KLRG2: variants seen among roughly 807,000 people sequenced by gnomAD.
KLRG2 encodes killer cell lectin like receptor G2, also known as killer cell lectin-like receptor subfamily G member 2.
Under a neutral mutation model 35.4 loss-of-function variants are expected in KLRG2, and 39 were observed. The observed-to-expected ratio is 1.10, with a 90% CI of 0.85 to 1.44. The LOEUF is 1.44. Ranked by LOEUF, KLRG2 falls within the 40% of genes most tolerant of loss-of-function variation. The pLI is 0.00. For synonymous variants in KLRG2, 283 were observed against 265.8 expected (o/e 1.06, Z -0.63); for missense variants, 632 against 570.9 (o/e 1.11, Z -1.09).
At chr7:139,473,883 G>T (rs10260811) in intron 3 of KLRG2, among the ~76,000 whole-genome samples, 2,654 of 152,066 alleles carry the variant, frequency 0.017, 72 homozygotes, top group African/African-American at 0.061. Flanking sequence ...AAATGTAAAT[G>T]AAGAAGAAAA....
chr7:139,437,339 C>T, the KLRG2 span, among the ~76,000 whole-genome samples: 567 of 146,966 alleles, frequency 3.9e-3, 6 homozygotes, highest in African/African-American at 0.013. Flanking sequence ...ATGGGAGAAT[C>T]GCTTGAACCC....
rs753773965 is a variant in KLRG2, at chr7:139,480,165, C to A, written c.840G>T (p.Val280=). 1.9e-6 allele frequency: 3 copies of A among 1,613,666 alleles called. No homozygotes were observed. In the South Asian group the frequency reaches 3.3e-5, roughly 18 times the overall value. Residue 280 remains valine (V), a synonymous_variant, in exon 2 of 5, where the codon GTG becomes GTT. Coordinates refer to ENST00000340940, the MANE Select transcript of KLRG2 (RefSeq NM_198508.4). ...CCATACCTGCTCTTGAGGCCAGGAC[C>A]ACAATGACAACCCCAGAGACTGCCA... ...VLLAVSGVVI[V]VLASRAGARC... is the part of the protein sequence containing the mutation.
intron 3 of KLRG2, among the ~76,000 whole-genome samples, chr7:139,471,445 T>C (rs189429810): frequency 2.4e-4 from 36 of 152,252 alleles, no homozygotes; most frequent in African/African-American, 7.5e-4. Flanking sequence ...GCAGATCACC[T>C]GAGGTCAAGA....
downstream of KLRG2, among the ~76,000 whole-genome samples, chr7:139,449,627 C>T (rs981686281): frequency 1.3e-5 from 2 of 150,964 alleles, no homozygotes; most frequent in African/African-American, 4.9e-5. Flanking sequence ...TTTGTAATAA[C>T]ACTTAGCTTA....
At chr7:139,434,495 C>A in the KLRG2 span, among the ~76,000 whole-genome samples, 1 of 152,130 alleles carries the variant, frequency 6.6e-6, no homozygotes, top group Non-Finnish European at 1.5e-5. Flanking sequence ...CAAAGCCTGC[C>A]CTCCCTCCCT....
chr7:139,432,660 C>T, the KLRG2 span, among the ~76,000 whole-genome samples: 6 of 151,478 alleles, frequency 4.0e-5, no homozygotes, highest in East Asian at 1.9e-4. Flanking sequence ...GGTTCAAGCG[C>T]CACATCTGAG....
the KLRG2 span, among the ~76,000 whole-genome samples, chr7:139,432,367 GA>G: frequency 0.012 from 1,712 of 147,228 alleles, 35 homozygotes; most frequent in African/African-American, 0.041. Flanking sequence ...AAAAGAAAAA[GA>G]AAAAAAAAAG....
At position 139,480,172 on chromosome 7, in the gene KLRG2, A is replaced by T. The variant is rs747565953; in HGVS notation, c.833T>A (p.Val278Asp). The change falls in exon 2 of 5, where the codon GTC becomes GAC. Residue 278 changes from valine to aspartate, a missense_variant. Val to Asp is a radical substitution (Grantham distance 152). Transcript: ENST00000340940. ...MAVLLAVSGV[V>D]IVVLASRAGA... ...TGCTCTTGAGGCCAGGACCACAATG[A>T]CAACCCCAGAGACTGCCAGGAGCAC... 3 of 1,613,688 alleles carry T rather than the reference A, an allele frequency of 1.9e-6. No individual in the cohort carries two copies. The African/African-American group carries it at 4.0e-5, about 22-fold the overall frequency.
chr7:139,454,162 C>T lies in KLRG2; in HGVS notation c.1058G>A (p.Arg353Gln), dbSNP rs752055129. 92 of 1,544,616 alleles carry T rather than the reference C, an allele frequency of 6.0e-5. 3 individuals are homozygous for T. The highest frequency in any genetic ancestry group is 1.3e-4 in the South Asian group (11 of 83,516). ...VSRHSWVGAW[R>Q]GPQGWHWIDE... ...GATCCAGTGCCAGCCCTGGGGGCCT[C>T]GCCAGGCCCCCACCCAGGAGTGCCT... The change falls in exon 4 of 5, where the codon CGA becomes CAA. Residue 353 changes from arginine to glutamine, a missense_variant. Transcript: ENST00000340940.
At chr7:139,479,865 G>T in intron 2 of KLRG2, 93 bp from the exon 3 acceptor site, 1 of 1,404,204 alleles carries the variant, frequency 7.1e-7, no homozygotes, top group South Asian at 1.4e-5. Context: ...GCATGGAACT[G>T]GCAAACCTCA....
chr7:139,459,570 C>T (rs1796534629), intron 3 of KLRG2, among the ~76,000 whole-genome samples: 1 of 152,216 alleles, frequency 6.6e-6, no homozygotes, highest in South Asian at 2.1e-4. Flanking sequence ...AACGCCAACA[C>T]CTCAGGGCCC....
At chr7:139,466,593 G>A (rs952701102) in intron 3 of KLRG2, among the ~76,000 whole-genome samples, 1 of 151,844 alleles carries the variant, frequency 6.6e-6, no homozygotes, top group Non-Finnish European at 1.5e-5. Context: ...CTTATGCCAC[G>A]CTCTACCTCT....
the KLRG2 span, among the ~76,000 whole-genome samples, chr7:139,441,865 G>A: frequency 6.6e-6 from 1 of 152,212 alleles, no homozygotes; most frequent in African/African-American, 2.4e-5. Context: ...GCAGCACACA[G>A]CAGAAGACTT....
At chr7:139,471,177 A>G (rs554873635) in intron 3 of KLRG2, among the ~76,000 whole-genome samples, 71 of 152,184 alleles carry the variant, frequency 4.7e-4, no homozygotes, top group Non-Finnish European at 8.5e-4. Flanking sequence ...ACAAAGTTAC[A>G]TATCATAGAA....
intron 3 of KLRG2, among the ~76,000 whole-genome samples, chr7:139,475,930 G>A (rs1796842100): frequency 6.6e-6 from 1 of 151,256 alleles, no homozygotes; most frequent in Admixed American, 6.6e-5. Flanking sequence ...CACCCAGCTG[G>A]TGCCCACTGC....
chr7:139,434,707 A>G, the KLRG2 span, among the ~76,000 whole-genome samples: 70 of 152,320 alleles, frequency 4.6e-4, no homozygotes, highest in Admixed American at 1.8e-3. Flanking sequence ...AGGGGAAGTC[A>G]AAGAATCCGA....
At chr7:139,457,736 T>TC (rs992350648) in intron 3 of KLRG2, among the ~76,000 whole-genome samples, 1 of 151,860 alleles carries the variant, frequency 6.6e-6, no homozygotes, top group Non-Finnish European at 1.5e-5. Context: ...GCTGAAGGCC[T>TC]CCCCCGAGCC....
intron 4 of KLRG2, 62 bp from the exon 5 acceptor site, chr7:139,453,769 G>A: frequency 1.3e-6 from 2 of 1,599,552 alleles, no homozygotes; most frequent in Non-Finnish European, 1.7e-6. Context: ...TTGCTTCCCA[G>A]CCAGACCCTC....
At position 139,454,131 on chromosome 7, in the gene KLRG2, C is replaced by T; in HGVS notation, c.1089G>A (p.Glu363=). 1 of 1,544,050 alleles carries T rather than the reference C, an allele frequency of 6.5e-7. No individual in the cohort carries two copies. The highest frequency in any genetic ancestry group is 8.8e-7 in the Non-Finnish European group (1 of 1,141,114). The change falls in exon 4 of 5, where the codon GAG becomes GAA. Residue 363 remains glutamate (E), a synonymous_variant. Coordinates refer to ENST00000340940, the MANE Select transcript of KLRG2 (RefSeq NM_198508.4). ...CTCACAGCTGGGGCGGGAGTGGGGC[C>T]TCGTCGATCCAGTGCCAGCCCTGGG... ...RGPQGWHWID[E]APLPPQLLPE... is the part of the protein sequence containing the mutation.
Sources: gnomAD v4.1 joint callset for allele counts (sites outside exome capture counted in the v4.1 genomes callset) on GRCh38, gnomAD v4.1.1 for gene constraint, MANE v1.5 for transcripts, NCBI Gene and HGNC (gene_info 2026-07-23, HGNC 2026-07-21) for gene names.